TLK2: variants seen among roughly 807,000 people sequenced by gnomAD.
The protein encoded by TLK2 is serine/threonine-protein kinase tousled-like 2.
A neutral mutation model predicts 117.3 loss-of-function variants in TLK2; 6 were observed. The observed-to-expected ratio is 0.05, with a 90% CI of 0.03 to 0.10. The LOEUF (loss-of-function observed/expected upper bound fraction) is 0.10, where lower values mean the gene tolerates loss of function less well. Ranked by LOEUF, TLK2 falls within the 10% of genes least tolerant of loss-of-function variation. The pLI is 1.00. For synonymous variants in TLK2, 257 were observed against 316.7 expected, an observed-to-expected ratio of 0.81 and a Z score of 2.00; for missense variants, 299 against 901.2, an observed-to-expected ratio of 0.33 and a Z score of 8.56.
At chr17:62,546,986 T>G (rs1227415567) in intron 7 of TLK2, among the ~76,000 whole-genome samples, 6 of 152,206 alleles carry the variant, frequency 3.9e-5, no homozygotes, top group African/African-American at 1.2e-4. Context: ...TCAATTTGAT[T>G]ATTCATGTTC....
intron 7 of TLK2, among the ~76,000 whole-genome samples, chr17:62,541,309 G>T (rs2077517421): frequency 6.6e-6 from 1 of 152,100 alleles, no homozygotes; most frequent in Non-Finnish European, 1.5e-5. Context: ...ACTTTGCTTT[G>T]TTCACTTGTG....
rs1244769109 is a variant in TLK2, at chr17:62,481,115, T to C, written c.-5-6T>C. The stretch of plus-strand genomic sequence containing the variant: ...ATGGTTTCACAGCCTACTTTTTCTT[T>C]TTCAGCAGAAATGATGGAAGAATTG... On this transcript the variant is annotated splice_region_variant and splice_polypyrimidine_tract_variant and intron_variant, in intron 1 of 21. Transcript: ENST00000346027. The C allele has an allele frequency of 6.2e-7, 1 of 1,613,654 alleles. No homozygotes were observed. Among genetic ancestry groups the C allele is most frequent in the Admixed American group, 1.7e-5 (1 of 59,964 alleles).
In TLK2 at chr17:62,608,018, ATTTG is replaced by A. The variant is rs776069234; in HGVS notation, c.1972-15_1972-12del. ...ATAATTTTCATCAGAGGCCTACATT[ATTTG>A]TTTGTTTTTATGTGACAGCCTTTTG... On this transcript the variant is annotated intron_variant, in intron 20 of 21. Coordinates refer to ENST00000346027, the MANE Select transcript of TLK2 (RefSeq NM_006852.6). The A allele has an allele frequency of 3.1e-6, 5 of 1,590,702 alleles. No individual in the cohort carries two copies. The highest frequency in any genetic ancestry group is 2.7e-5 in the African/African-American group (2 of 73,934).
intron 16 of TLK2, among the ~76,000 whole-genome samples, chr17:62,591,117 C>T (rs2082047788): frequency 1.3e-5 from 2 of 152,058 alleles, no homozygotes; most frequent in Admixed American, 1.3e-4. Flanking sequence ...GGCATGGTGG[C>T]ACGCACCTGT....
chr17:62,511,622 G>GGT (rs1293724904), intron 2 of TLK2, among the ~76,000 whole-genome samples: 1 of 152,124 alleles, frequency 6.6e-6, no homozygotes, highest in African/African-American at 2.4e-5. Flanking sequence ...TTGCTGCCTT[G>GGT]GTCTCCCAAA....
At chr17:62,551,656 G>A (rs1239705876) in intron 7 of TLK2, 3 of 151,172 alleles carry the variant, frequency 2.0e-5, no homozygotes, top group Non-Finnish European at 2.9e-5. Flanking sequence ...AGTGAGCCCA[G>A]ATCGTGCTAC....
chr17:62,609,926 C>CA (rs1163246532), intron 21 of TLK2, among the ~76,000 whole-genome samples: 3 of 151,812 alleles, frequency 2.0e-5, no homozygotes, highest in Admixed American at 6.6e-5. Flanking sequence ...GACCCTGTCT[C>CA]AAAAAAAGAA....
chr17:62,502,029 AT>A (rs371212708), intron 2 of TLK2, among the ~76,000 whole-genome samples: 143 of 137,432 alleles, frequency 1.0e-3, no homozygotes, highest in East Asian at 2.3e-3. Flanking sequence ...AAAAATACCA[AT>A]TTTTTTTTTT....
At chr17:62,534,515 T>C in intron 6 of TLK2, among the ~76,000 whole-genome samples, 1 of 152,214 alleles carries the variant, frequency 6.6e-6, no homozygotes, top group Non-Finnish European at 1.5e-5. Flanking sequence ...TTCTGTTACA[T>C]GCTCTGATTA....
chr17:62,487,538 A>T (rs2072562502), intron 2 of TLK2, among the ~76,000 whole-genome samples: 1 of 151,088 alleles, frequency 6.6e-6, no homozygotes, highest in Admixed American at 6.6e-5. Context: ...AAAAAAAAGT[A>T]AGTCAGCAAG....
intron 18 of TLK2, 68 bp from the exon 19 acceptor site, chr17:62,601,974 C>T: frequency 7.0e-7 from 1 of 1,427,568 alleles, no homozygotes; most frequent in East Asian, 2.3e-5. Context: ...TTCTTATCTG[C>T]TATTACTTTG....
At chr17:62,601,252 G>A (rs1234751792) in intron 18 of TLK2, among the ~76,000 whole-genome samples, 1 of 152,044 alleles carries the variant, frequency 6.6e-6, no homozygotes, top group East Asian at 1.9e-4. Context: ...CTTTTTGTAT[G>A]GTTATTATCT....
At chr17:62,531,840 C>T (rs2076763156) in intron 6 of TLK2, among the ~76,000 whole-genome samples, 1 of 152,170 alleles carries the variant, frequency 6.6e-6, no homozygotes, top group Non-Finnish European at 1.5e-5. Context: ...CCAACTCTTA[C>T]ACTGCCAAGG....
intron 6 of TLK2, among the ~76,000 whole-genome samples, chr17:62,533,432 G>T (rs1479469247): frequency 1.4e-5 from 2 of 141,026 alleles, no homozygotes; most frequent in South Asian, 2.2e-4. Context: ...TTGAGACAGG[G>T]TCTTGCTGTG....
chr17:62,536,468 TATC>T (rs1598432850), intron 7 of TLK2, 131 bp downstream of exon 7: 4 of 998,926 alleles, frequency 4.0e-6, no homozygotes, highest in South Asian at 1.9e-5. Flanking sequence ...GATCTCCCCT[TATC>T]ATCATTCCCA....
chr17:62,514,412 G>T (rs1242208236), intron 2 of TLK2, among the ~76,000 whole-genome samples: 8 of 151,180 alleles, frequency 5.3e-5, no homozygotes, highest in Non-Finnish European at 8.8e-5. Context: ...CCACAGTTCT[G>T]GGCTTACAGG....
At chr17:62,495,412 T>C (rs1402597349) in intron 2 of TLK2, among the ~76,000 whole-genome samples, 2 of 151,702 alleles carry the variant, frequency 1.3e-5, no homozygotes, top group Non-Finnish European at 2.9e-5. Context: ...AGAGGCCTTT[T>C]TTATTTTTTA....
At position 62,606,207 on chromosome 17, in the gene TLK2, G is replaced by C; in HGVS notation, c.1937G>C (p.Gly646Ala). The C allele has an allele frequency of 6.2e-7, 1 of 1,602,238 alleles. No homozygotes were observed. The highest frequency in any genetic ancestry group is 8.5e-7 in the Non-Finnish European group (1 of 1,172,332). The part of the protein sequence containing the change: ...ISNKVDVWSV[G>A]VIFYQCLYGR... ...AATAAAGTTGATGTGTGGTCGGTGG[G>C]TGTGATCTTCTATCAGTGTCTTTAT... Residue 646 changes from glycine to alanine, a missense_variant, in exon 20 of 22, where the codon GGT becomes GCT. Coordinates refer to ENST00000346027, the MANE Select transcript of TLK2 (RefSeq NM_006852.6).
At chr17:62,513,627 T>TAA (rs1305668697) in intron 2 of TLK2, among the ~76,000 whole-genome samples, 1 of 152,146 alleles carries the variant, frequency 6.6e-6, no homozygotes. Context: ...TGAACCCTAT[T>TAA]AAATTGCTTT....
Sources: allele counts gnomAD v4.1 joint callset (sites outside exome capture counted in the v4.1 genomes callset), GRCh38; gene constraint gnomAD v4.1.1; transcripts MANE v1.5; gene names NCBI Gene and HGNC (gene_info 2026-07-23, HGNC 2026-07-21).